MAP3K1: variants seen among roughly 807,000 people sequenced by gnomAD.
MAP3K1 encodes MAP/ERK kinase kinase 1.
In MAP3K1, 36 loss-of-function variants were observed where a neutral mutation model predicts 144.2. That is an observed-to-expected ratio of 0.25 (90% CI 0.19 to 0.33). MAP3K1 has a LOEUF of 0.33. MAP3K1 is among the 10% of genes least tolerant of loss of function. The pLI is 1.00. For synonymous variants in MAP3K1, 718 were observed against 688.7 expected (o/e 1.04, Z -0.67); for missense variants, 1,650 against 1,881.9 (o/e 0.88, Z 2.28).
At chr5:56,826,849 G>A (rs1340652915) in intron 1 of MAP3K1, among the ~76,000 whole-genome samples, 2 of 152,250 alleles carry the variant, frequency 1.3e-5, no homozygotes, top group Non-Finnish European at 2.9e-5. Context: ...ACTCAGAGCT[G>A]CCAGCCAGGC....
At chr5:56,855,613 G>T (rs553454155) in intron 1 of MAP3K1, among the ~76,000 whole-genome samples, 7 of 152,190 alleles carry the variant, frequency 4.6e-5, no homozygotes, top group Admixed American at 3.9e-4. Context: ...GTACTTCATA[G>T]TTGTGATTAG....
At chr5:56,834,230 A>G (rs1166769910) in intron 1 of MAP3K1, among the ~76,000 whole-genome samples, 2 of 152,218 alleles carry the variant, frequency 1.3e-5, no homozygotes, top group African/African-American at 2.4e-5. Flanking sequence ...TTGTTTATTG[A>G]CATACTTTCC....
rs1745998236 is a variant in MAP3K1, at chr5:56,817,017, TGCCCTGGCGCG to T, written c.482+964_482+974del. On this transcript the variant is annotated intron_variant, in intron 1 of 19. Coordinates refer to ENST00000399503, the MANE Select transcript of MAP3K1 (RefSeq NM_005921.2). ...CGCGGGTGCAGTGCTTCCTGCTCGG[TGCCCTGGCGCG>T]GGCCGCCCGCTGAATTCCAGGGGCC... 5 of 977,832 alleles carry T rather than the reference TGCCCTGGCGCG, an allele frequency of 5.1e-6. No homozygotes were observed. In the South Asian group the frequency reaches 2.4e-4, roughly 46 times the overall value. 60.6% of individuals were successfully genotyped at this position (977,832 alleles called of 1,614,324 possible).
At position 56,886,013 on chromosome 5, in the gene MAP3K1, G is replaced by A. The variant is rs768719008; in HGVS notation, c.4064G>A (p.Arg1355His). Residue 1355 changes from arginine to histidine, a missense_variant, in exon 17 of 20, where the codon CGT becomes CAT. Arg to His is a conservative substitution (Grantham distance 29). Around this residue, in one of 6 missense-constraint regions of MAP3K1, gnomAD observed 165 missense variants for 322.9 expected, o/e 0.51. Transcript: ENST00000399503. ...VVINYTEQLLRGLSYLHENQI... is the reference protein window; with the variant it reads ...VVINYTEQLLHGLSYLHENQI... ...ATTAACTACACTGAACAGTTACTCC[G>A]TGGCCTTTCGTATCTCCATGAAAAC... 5 of 1,611,954 alleles carry A rather than the reference G, an allele frequency of 3.1e-6. No homozygotes were observed. Among genetic ancestry groups the A allele is most frequent in the Admixed American group, 1.7e-5 (1 of 59,980 alleles).
chr5:56,843,105 TG>T (rs926937506), intron 1 of MAP3K1, among the ~76,000 whole-genome samples: 9 of 152,208 alleles, frequency 5.9e-5, no homozygotes, highest in Non-Finnish European at 1.2e-4. Context: ...CCTGTTAAAA[TG>T]GGGTCATTTT....
intron 1 of MAP3K1, among the ~76,000 whole-genome samples, chr5:56,816,395 C>G (rs1289394766): frequency 2.0e-5 from 3 of 151,916 alleles, no homozygotes; most frequent in Non-Finnish European, 4.4e-5. Flanking sequence ...CCGAGGAGCC[C>G]GGGGGCGGGG....
intron 1 of MAP3K1, among the ~76,000 whole-genome samples, chr5:56,837,836 G>A (rs1311339545): frequency 2.0e-5 from 3 of 152,148 alleles, no homozygotes; most frequent in African/African-American, 7.2e-5. Context: ...AGTGCTCTTT[G>A]CTGAGTGAGG....
intron 1 of MAP3K1, chr5:56,820,835 A>G: frequency 3.1e-6 from 3 of 977,458 alleles, no homozygotes; most frequent in Non-Finnish European, 2.4e-6. Context: ...TAGTATGAAC[A>G]TGTTTCACAA....
rs1748445053 is a variant in MAP3K1 at position 56,888,237 on chromosome 5, T to G, written c.4269T>G (p.Gly1423=). ...CTGATTTATTTTAGGTACTAAGAGG[T>G]CAACAGTATGGAAGGAGCTGTGATG... ...IAFMAPEVLR[G]QQYGRSCDVW... is the part of the protein sequence containing the mutation. Residue 1423 remains glycine, a synonymous_variant, in exon 19 of 20, where the codon GGT becomes GGG. Coordinates refer to ENST00000399503, the MANE Select transcript of MAP3K1 (RefSeq NM_005921.2). The G allele has an allele frequency of 6.2e-7, 1 of 1,613,876 alleles. No homozygotes were observed. Among genetic ancestry groups the G allele is most frequent in the Non-Finnish European group, 8.5e-7 (1 of 1,179,784 alleles).
At chr5:56,822,838 A>G (rs1429954861) in intron 1 of MAP3K1, among the ~76,000 whole-genome samples, 1 of 152,214 alleles carries the variant, frequency 6.6e-6, no homozygotes, top group African/African-American at 2.4e-5. Context: ...TTCCCTGCTC[A>G]TTAAATGGCA....
intron 16 of MAP3K1, 52 bp downstream of exon 16, chr5:56,884,878 G>T (rs769444181): frequency 6.5e-7 from 1 of 1,540,182 alleles, no homozygotes; most frequent in South Asian, 1.2e-5. Context: ...TTAACTTTCT[G>T]CAATTTAGGA....
chr5:56,874,161 A>G (rs1013186805), intron 9 of MAP3K1, among the ~76,000 whole-genome samples: 1 of 152,222 alleles, frequency 6.6e-6, no homozygotes, highest in Non-Finnish European at 1.5e-5. Context: ...TCATTCTCCC[A>G]TAATATCCCT....
chr5:56,816,130 T>C, intron 1 of MAP3K1, 75 bp downstream of exon 1: 1 of 1,156,922 alleles, frequency 8.6e-7, no homozygotes, highest in Non-Finnish European at 1.1e-6. Flanking sequence ...CCGGGCACCA[T>C]GCACGGCGTC....
At chr5:56,857,446 AC>A (rs1747375115) in intron 2 of MAP3K1, among the ~76,000 whole-genome samples, 1 of 152,170 alleles carries the variant, frequency 6.6e-6, no homozygotes, top group Non-Finnish European at 1.5e-5. Context: ...AAGAAGTATT[AC>A]AGTATCCTAG....
chr5:56,871,269 TG>T (rs1747844139), intron 6 of MAP3K1, among the ~76,000 whole-genome samples: 1 of 152,222 alleles, frequency 6.6e-6, no homozygotes, highest in Admixed American at 6.5e-5. Context: ...AGCCTCTTTT[TG>T]GCATTCATTT....
At chr5:56,828,183 A>G (rs766447871) in intron 1 of MAP3K1, among the ~76,000 whole-genome samples, 1 of 152,312 alleles carries the variant, frequency 6.6e-6, no homozygotes, top group South Asian at 2.1e-4. Flanking sequence ...CTTGATAACA[A>G]TACATTTTCC....
intron 1 of MAP3K1, among the ~76,000 whole-genome samples, chr5:56,824,598 T>C (rs1746253778): frequency 6.6e-6 from 1 of 152,220 alleles, no homozygotes; most frequent in African/African-American, 2.4e-5. Flanking sequence ...GCCTCTGCCA[T>C]TTAAAAATAT....
intron 3 of MAP3K1, among the ~76,000 whole-genome samples, chr5:56,861,590 A>G (rs10056101): frequency 0.09 from 12,048 of 133,752 alleles, 862 homozygotes; most frequent in African/African-American, 0.16. Flanking sequence ...AAAAAAAAAA[A>G]GGGGCTATTA....
In MAP3K1 at chr5:56,881,976, G is replaced by A. The variant is rs1052825631; in HGVS notation, c.2776G>A (p.Asp926Asn). The A allele has an allele frequency of 1.9e-6, 3 of 1,613,806 alleles. No individual in the cohort carries two copies. In the African/African-American group the frequency reaches 4.0e-5, roughly 22 times the overall value. ...TACAAAATTGAGTGCCAGTTCAGAG[G>A]ACATTTCTGAGAGACTGGCCAGCAT... ...CATKLSASSE[D>N]ISERLASISV... Residue 926 changes from aspartate to asparagine, a missense_variant, in exon 14 of 20, where the codon GAC (aspartate) becomes AAC (asparagine). Physicochemically the swap from Asp to Asn is conservative, Grantham distance 23. Around this residue, in one of 6 missense-constraint regions of MAP3K1, gnomAD observed 841 missense variants for 886.5 expected, o/e 0.95. Coordinates refer to ENST00000399503, the MANE Select transcript of MAP3K1 (RefSeq NM_005921.2).
Sources: gnomAD v4.1 joint callset for allele counts (sites outside exome capture counted in the v4.1 genomes callset) on GRCh38, gnomAD v4.1.1 for gene constraint, gnomAD v4.1.1 regional missense constraint, MANE v1.5 for transcripts, NCBI Gene and HGNC (gene_info 2026-07-23, HGNC 2026-07-21) for gene names.